IL6ST: variants seen among roughly 807,000 people sequenced by gnomAD.
IL6ST encodes the protein interleukin 6 cytokine family signal transducer, also known as interleukin-6 receptor subunit beta.
Under a neutral mutation model 91.3 loss-of-function variants are expected in IL6ST, and 24 were observed. The ratio of observed to expected loss-of-function variants is 0.26; its 90% CI spans 0.19 to 0.37. IL6ST has a LOEUF of 0.37. Among genes scored for constraint, IL6ST ranks in the 10% least tolerant of loss-of-function variants. The pLI is 1.00. For synonymous variants in IL6ST, 351 were observed against 373.6 expected (o/e 0.94, Z 0.70); for missense variants, 914 against 1,078.5 (o/e 0.85, Z 2.14).
At position 55,988,249 on chromosome 5, in the gene IL6ST, T is replaced by C. The variant is rs372791944; in HGVS notation, c.-103-5438A>G. Among the ~76,000 whole-genome samples the C allele has an allele frequency of 1.1e-4, 16 of 152,184 alleles. No individual in the cohort carries two copies. In the South Asian group the frequency reaches 3.3e-3, roughly 32 times the overall value. ...CAGACAAGATGCTTGAAGTCATCAG[T>C]TATTCACCACTGCTCTAAAGGGCTT... On this transcript the variant is annotated intron_variant, in intron 1 of 16. Coordinates refer to ENST00000381298, the MANE Select transcript of IL6ST (RefSeq NM_002184.4).
chr5:55,983,672 T>A (rs549735745), intron 1 of IL6ST, among the ~76,000 whole-genome samples: 23 of 152,308 alleles, frequency 1.5e-4, no homozygotes, highest in African/African-American at 4.8e-4. Context: ...ATTTTTTAAA[T>A]GTCTAATGAA....
rs1272800829 is a variant in IL6ST, at chr5:55,935,452, C to T, written c.*5630G>A. ...ATATTGAATTTTGAGTTGAAAGGTA[C>T]ATTTTCCTCCCTTGATGGAGACAGA... is the stretch of plus-strand genomic sequence containing the variant. On this transcript the variant is annotated 3_prime_UTR_variant, in exon 17 of 17. Coordinates refer to ENST00000381298, the MANE Select transcript of IL6ST (RefSeq NM_002184.4). 1 of 203,148 alleles carries T rather than the reference C, an allele frequency of 4.9e-6. No homozygotes were observed. The highest frequency in any genetic ancestry group is 9.8e-6 in the Non-Finnish European group (1 of 101,576). 12.6% of individuals were successfully genotyped at this position (203,148 alleles called of 1,614,324 possible). A position where few individuals can be genotyped will look rare whatever the true frequency, so the allele number is the denominator to read the frequency against.
chr5:55,951,927 AC>A lies in IL6ST; in HGVS notation c.1699+1del. On this transcript the variant is annotated splice_donor_variant, in intron 13 of 16. Transcript: ENST00000381298. LOFTEE classifies it high-confidence loss of function. Reference sequence around the variant, plus strand: ...TCTTAATAACTGATACAGTTTTATTACCAGTTTCATTTCCAATGATGGTTCT... The same window carrying A: ...TCTTAATAACTGATACAGTTTTATTACAGTTTCATTTCCAATGATGGTTCT... 1 of 1,406,238 alleles carries A rather than the reference AC, an allele frequency of 7.1e-7. No homozygotes were observed. Among genetic ancestry groups the A allele is most frequent in the Non-Finnish European group, 1.0e-6 (1 of 1,001,680 alleles). The allele number at this position is 1,406,238 out of a possible 1,614,324, so 87.1% of individuals were successfully genotyped here. A position where few individuals can be genotyped will look rare whatever the true frequency, so the allele number is the denominator to read the frequency against.
In IL6ST at chr5:55,986,495, A is replaced by C. The variant is rs566518120; in HGVS notation, c.-103-3684T>G. Among the ~76,000 whole-genome samples the C allele has an allele frequency of 1.2e-4, 19 of 152,290 alleles. 2 individuals carry two copies. The highest frequency in any genetic ancestry group is 4.1e-4 in the African/African-American group (17 of 41,548). ...TAAGTGGCATCTTTAGGGGGTAGGCAGCATGTGGTTGTATCCAATCTGATA... is the reference window on the plus strand; with the variant it reads ...TAAGTGGCATCTTTAGGGGGTAGGCCGCATGTGGTTGTATCCAATCTGATA... On this transcript the variant is annotated intron_variant, in intron 1 of 16. Transcript: ENST00000381298.
chr5:55,948,503 G>C (rs921839017), intron 14 of IL6ST, among the ~76,000 whole-genome samples: 2 of 151,140 alleles, frequency 1.3e-5, no homozygotes, highest in African/African-American at 4.9e-5. Context: ...ATAAACTATG[G>C]GTTGGCAAAT....
chr5:55,968,936 G>A (rs567234185), intron 4 of IL6ST, among the ~76,000 whole-genome samples: 1 of 152,296 alleles, frequency 6.6e-6, no homozygotes, highest in East Asian at 1.9e-4. Flanking sequence ...GCTCACGCCT[G>A]TAATCCCAGC....
At chr5:55,977,460 C>T (rs1450183008) in intron 2 of IL6ST, among the ~76,000 whole-genome samples, 8 of 151,852 alleles carry the variant, frequency 5.3e-5, no homozygotes, top group East Asian at 1.9e-4. Flanking sequence ...AGAAGGCACA[C>T]GTAAAAGGGC....
At position 55,939,476 on chromosome 5, in the gene IL6ST, G is replaced by GTAA. The variant is rs1554022357; in HGVS notation, c.*1603_*1605dup. The GTAA allele has an allele frequency of 9.8e-6, 2 of 204,676 alleles. No homozygotes were observed. Among genetic ancestry groups the GTAA allele is most frequent in the Non-Finnish European group, 2.0e-5 (2 of 99,996 alleles). The allele number at this position is 204,676 out of a possible 1,614,324, so 12.7% of individuals were successfully genotyped here. A position where few individuals can be genotyped will look rare whatever the true frequency, so the allele number is the denominator to read the frequency against. On this transcript the variant is annotated 3_prime_UTR_variant, in exon 17 of 17. Transcript: ENST00000381298. ...GAACAATATTCTGAGAGTAAAAAGT[G>GTAA]TAATTATATTTCCATTGTAAATGTA...
intron 1 of IL6ST, among the ~76,000 whole-genome samples, chr5:55,994,428 T>C (rs925546298): frequency 1.3e-4 from 20 of 151,948 alleles, no homozygotes; most frequent in African/African-American, 3.4e-4. Flanking sequence ...GCGGAGCGAA[T>C]AGAATTTCAG....
In IL6ST at chr5:55,971,945, C is replaced by T. The variant is rs543745181; in HGVS notation, c.65-2090G>A. 6.6e-5 allele frequency among the ~76,000 whole-genome samples: 10 copies of T among 152,226 alleles called. No individual in the cohort carries two copies. The South Asian group carries it at 2.1e-3, about 32-fold the overall frequency. ...TCATCTTGCTGTTATTTATAAATGC[C>T]TACTGTAAATCTTAGTGCATATATT... On this transcript the variant is annotated intron_variant, in intron 3 of 16. Transcript: ENST00000381298.
chr5:55,974,643 G>A (rs917584345), intron 3 of IL6ST, among the ~76,000 whole-genome samples: 1 of 151,964 alleles, frequency 6.6e-6, no homozygotes, highest in African/African-American at 2.4e-5. Flanking sequence ...CGGCACTACC[G>A]CCTGGCTAAT....
chr5:55,947,338 A>G (rs753041964), intron 15 of IL6ST, among the ~76,000 whole-genome samples, 155 bp downstream of exon 15: 4 of 152,130 alleles, frequency 2.6e-5, no homozygotes, highest in Non-Finnish European at 4.4e-5. Flanking sequence ...AGTGATGAAA[A>G]TGTTCTATAT....
chr5:55,946,629 C>G (rs868763671), intron 15 of IL6ST, among the ~76,000 whole-genome samples: 1 of 152,010 alleles, frequency 6.6e-6, no homozygotes, highest in East Asian at 1.9e-4. Flanking sequence ...CCAGCCTGGC[C>G]AACATGATGA....
intron 5 of IL6ST, among the ~76,000 whole-genome samples, chr5:55,966,500 T>C (rs1319150581): frequency 6.6e-6 from 1 of 152,222 alleles, no homozygotes; most frequent in Non-Finnish European, 1.5e-5. Flanking sequence ...GTTTTCACTA[T>C]ATGTAAATTT....
intron 12 of IL6ST, 48 bp from the exon 13 acceptor site, chr5:55,952,123 A>G (rs1163420625): frequency 4.5e-6 from 7 of 1,567,666 alleles, no homozygotes; most frequent in Non-Finnish European, 5.2e-6. Flanking sequence ...TTTACAATCT[A>G]GTAAAATTTC....
At chr5:55,969,400 T>C (rs1250811437) in intron 4 of IL6ST, 150 bp downstream of exon 4, 5 of 565,272 alleles carry the variant, frequency 8.8e-6, no homozygotes, top group Non-Finnish European at 1.5e-5. Flanking sequence ...GACTTGTGGT[T>C]CCTACTTCTA....
chr5:55,993,990 G>A (rs1754486508), intron 1 of IL6ST: 1 of 141,434 alleles, frequency 7.1e-6, no homozygotes, highest in South Asian at 2.3e-4. Flanking sequence ...TTATTTTAAG[G>A]CAGTATAATT....
chr5:55,948,159 A>G (rs941715453), intron 14 of IL6ST, among the ~76,000 whole-genome samples: 1 of 152,198 alleles, frequency 6.6e-6, no homozygotes, highest in African/African-American at 2.4e-5. Flanking sequence ...GAGCTGCTCA[A>G]TGGGCATGAG....
chr5:55,960,028 GGC>G (rs1752216543), intron 8 of IL6ST, among the ~76,000 whole-genome samples: 1 of 152,022 alleles, frequency 6.6e-6, no homozygotes, highest in Non-Finnish European at 1.5e-5. Context: ...TGGGACTACA[GGC>G]GCCCACCACC....
Sources: allele counts gnomAD v4.1 joint callset (sites outside exome capture counted in the v4.1 genomes callset), GRCh38; gene constraint gnomAD v4.1.1; transcripts MANE v1.5; gene names NCBI Gene and HGNC (gene_info 2026-07-23, HGNC 2026-07-21).